The following TENM4 variants were observed in gnomAD, a reference collection of about 807,000 sequenced individuals.
TENM4 encodes the protein teneurin-4.
Under a neutral mutation model 243.3 loss-of-function variants are expected in TENM4, and 82 were observed. The observed-to-expected ratio is 0.34, with a 90% CI of 0.28 to 0.40. The LOEUF (loss-of-function observed/expected upper bound fraction) is 0.40, where lower values mean the gene tolerates loss of function less well. Ranked by LOEUF, TENM4 falls within the 10% of genes least tolerant of loss-of-function variation. The pLI, the probability that TENM4 is intolerant of heterozygous loss-of-function variation, is 1.00. For synonymous variants in TENM4, 1,412 were observed against 1,456.3 expected, an observed-to-expected ratio of 0.97 and a Z score of 0.69; for missense variants, 3,138 against 3,673.3, an observed-to-expected ratio of 0.85 and a Z score of 3.77.
chr11:79,426,825 T>C (rs1260587710), intron 1 of TENM4, among the ~76,000 whole-genome samples: 1 of 152,134 alleles, frequency 6.6e-6, no homozygotes, highest in African/African-American at 2.4e-5. Context: ...ATTATTCAAA[T>C]AAAAATAGCA....
At chr11:79,135,568 C>T (rs1227227282) in intron 4 of TENM4, among the ~76,000 whole-genome samples, 1 of 151,802 alleles carries the variant, frequency 6.6e-6, no homozygotes, top group South Asian at 2.1e-4. Context: ...TATAGCAGCA[C>T]AATTCACAAT....
intron 4 of TENM4, among the ~76,000 whole-genome samples, chr11:79,131,050 A>G (rs1294727069): frequency 6.6e-6 from 1 of 152,162 alleles, no homozygotes; most frequent in Non-Finnish European, 1.5e-5. Context: ...GATGAAACCT[A>G]AGAATAATCA....
Position 79,025,721 on chromosome 11 carries a change from C to T in TENM4, c.493+39017G>A, listed in dbSNP as rs535980447. 5.3e-4 allele frequency among the ~76,000 whole-genome samples: 80 copies of T among 152,280 alleles called. 1 individual carries two copies. In the South Asian group the frequency reaches 0.016, roughly 31 times the overall value. ...CATTTGCTCTTTACGGCTAATCTGC[C>T]TGAATCAACATTCCTGAAGCTTGGA... is the stretch of plus-strand genomic sequence containing the variant. On this transcript the variant is annotated intron_variant, in intron 6 of 33. Transcript: ENST00000278550.
At chr11:78,828,670 A>C (rs1027852892) in intron 12 of TENM4, among the ~76,000 whole-genome samples, 2 of 152,230 alleles carry the variant, frequency 1.3e-5, no homozygotes, top group Non-Finnish European at 1.5e-5. Context: ...ATGGTAATGT[A>C]ATTATATGTT....
chr11:79,171,421 A>G (rs971209931), intron 3 of TENM4, among the ~76,000 whole-genome samples: 7 of 152,202 alleles, frequency 4.6e-5, no homozygotes, highest in African/African-American at 1.7e-4. Flanking sequence ...GTGCCTTCCT[A>G]GAGGGAAACC....
In TENM4 at chr11:78,696,443, A is replaced by AGC. The variant is rs1858965758; in HGVS notation, c.5087+5082_5087+5083insGC. 2.0e-5 allele frequency among the ~76,000 whole-genome samples: 3 copies of AGC among 151,804 alleles called. No individual in the cohort carries two copies. The South Asian group carries it at 6.2e-4, about 32-fold the overall frequency. On this transcript the variant is annotated intron_variant, in intron 28 of 33. Coordinates refer to ENST00000278550, the MANE Select transcript of TENM4 (RefSeq NM_001098816.3). ...CCTTTTCTTGCCCTTTTGTACGTTCAGTTGAAAGCGTGACATCTTGTGTAG... is the reference window on the plus strand; with the variant it reads ...CCTTTTCTTGCCCTTTTGTACGTTCAGCGTTGAAAGCGTGACATCTTGTGTAG...
chr11:79,325,915 G>A (rs1460337003), intron 1 of TENM4, among the ~76,000 whole-genome samples: 3 of 152,140 alleles, frequency 2.0e-5, no homozygotes, highest in African/African-American at 4.8e-5. Context: ...TTCGCACCAG[G>A]GTGGGAGAGC....
chr11:78,829,207 GT>G (rs1857923618), intron 12 of TENM4, among the ~76,000 whole-genome samples: 1 of 152,230 alleles, frequency 6.6e-6, no homozygotes, highest in African/African-American at 2.4e-5. Flanking sequence ...ATCTCCCCAT[GT>G]GAAGTCTCTG....
intron 2 of TENM4, among the ~76,000 whole-genome samples, chr11:79,286,782 A>C (rs763072039): frequency 6.6e-6 from 1 of 152,216 alleles, no homozygotes; most frequent in East Asian, 1.9e-4. Flanking sequence ...ATTTTCTTTC[A>C]TCTTCATTTA....
chr11:78,916,708 C>T (rs1473371399), intron 6 of TENM4, among the ~76,000 whole-genome samples: 1 of 152,022 alleles, frequency 6.6e-6, no homozygotes, highest in Non-Finnish European at 1.5e-5. Flanking sequence ...CTCCATTTTG[C>T]AGATGAGAAA....
chr11:79,423,535 ATTT>A lies in TENM4; in HGVS notation c.-321+16971_-321+16973del, dbSNP rs67697266. 2.1e-3 allele frequency among the ~76,000 whole-genome samples: 239 copies of A among 114,104 alleles called. 1 individual carries two copies. Among genetic ancestry groups the A allele is most frequent in the African/African-American group, 7.2e-3 (219 of 30,556 alleles). 74.9% of individuals were successfully genotyped at this position (114,104 alleles called of 152,430 possible). On this transcript the variant is annotated intron_variant, in intron 1 of 33. Transcript: ENST00000278550. ...GCCAGCTCTGAATGCTTACAAGTGC[ATTT>A]TTTTTTTTTTTTTTTTTTTTGCAAG...
At chr11:79,279,713 A>G (rs1856121940) in intron 2 of TENM4, among the ~76,000 whole-genome samples, 1 of 152,122 alleles carries the variant, frequency 6.6e-6, no homozygotes, top group Non-Finnish European at 1.5e-5. Flanking sequence ...TCCAGGTCTC[A>G]GGGCCTTTAT....
In TENM4 at chr11:78,881,414, G is replaced by A. The variant is rs375167554; in HGVS notation, c.1084+8371C>T. On this transcript the variant is annotated intron_variant, in intron 9 of 33. Transcript: ENST00000278550. ...GGAAGAGAGTGAGGTGGAGATTTCCGTTCTCCGGCTCCCTCACCGCCATGC... is the reference window on the plus strand; with the variant it reads ...GGAAGAGAGTGAGGTGGAGATTTCCATTCTCCGGCTCCCTCACCGCCATGC... Among the ~76,000 whole-genome samples, 22 of 152,160 alleles carry A rather than the reference G, an allele frequency of 1.4e-4. No homozygotes were observed. In the South Asian group the frequency reaches 2.9e-3, roughly 20 times the overall value.
intron 1 of TENM4, among the ~76,000 whole-genome samples, chr11:79,439,663 CCACACA>C (rs141828517): frequency 8.8e-4 from 129 of 146,820 alleles, no homozygotes; most frequent in Middle Eastern, 3.6e-3. Flanking sequence ...GTGTGTGTGT[CCACACA>C]CACACACACA....
At chr11:78,769,763 C>T (rs551069989) in intron 18 of TENM4, among the ~76,000 whole-genome samples, 1 of 152,370 alleles carries the variant, frequency 6.6e-6, no homozygotes, top group East Asian at 1.9e-4. Context: ...GGCCCAATTA[C>T]CTCCTGGATT....
chr11:79,162,297 G>A (rs1030943947), intron 3 of TENM4, among the ~76,000 whole-genome samples: 1 of 152,176 alleles, frequency 6.6e-6, no homozygotes, highest in South Asian at 2.1e-4. Flanking sequence ...AACTTTCAGT[G>A]CCTTGGTTTC....
At chr11:79,082,393 C>A (rs1158473002) in intron 4 of TENM4, among the ~76,000 whole-genome samples, 1 of 152,124 alleles carries the variant, frequency 6.6e-6, no homozygotes, top group Non-Finnish European at 1.5e-5. Flanking sequence ...GAGGCGGGAG[C>A]TAAGGCTTGG....
intron 29 of TENM4, among the ~76,000 whole-genome samples, chr11:78,683,027 A>G (rs1470301922): frequency 1.1e-4 from 1 of 8,784 alleles, no homozygotes; most frequent in African/African-American, 1.1e-3. Context: ...GTCTGTTGGA[A>G]TACCCTGCCG....
chr11:79,087,938 T>C (rs1274282156), intron 4 of TENM4, among the ~76,000 whole-genome samples: 1 of 152,216 alleles, frequency 6.6e-6, no homozygotes, highest in East Asian at 1.9e-4. Context: ...GCTGCCTCTC[T>C]ACCTTCCAGG....
Sources: gnomAD v4.1 joint callset for allele counts (sites outside exome capture counted in the v4.1 genomes callset) on GRCh38, gnomAD v4.1.1 for gene constraint, MANE v1.5 for transcripts, NCBI Gene and HGNC (gene_info 2026-07-23, HGNC 2026-07-21) for gene names.